The following RABL3 variants were observed in gnomAD, a reference collection of about 807,000 sequenced individuals.
RABL3 encodes the protein rab-like protein 3.
In RABL3, 31 loss-of-function variants were observed where a neutral mutation model predicts 31.8. The observed-to-expected ratio is 0.97, with a 90% CI of 0.73 to 1.31. The LOEUF (loss-of-function observed/expected upper bound fraction) is 1.31. Ranked by LOEUF, RABL3 falls within the 40% of genes most tolerant of loss-of-function variation. RABL3 has a pLI of 0.00. For synonymous variants in RABL3, 97 were observed against 99.9 expected, an observed-to-expected ratio of 0.97 and a Z score of 0.18; for missense variants, 263 against 279.6, an observed-to-expected ratio of 0.94 and a Z score of 0.42.
At chr3:120,735,335 G>T (rs1363130239) in intron 1 of RABL3, among the ~76,000 whole-genome samples, 1 of 152,170 alleles carries the variant, frequency 6.6e-6, no homozygotes, top group Non-Finnish European at 1.5e-5. Context: ...TTTGCGTAGA[G>T]GTGTTTTTAG....
At chr3:120,701,886 G>T (rs914812350) in intron 4 of RABL3, among the ~76,000 whole-genome samples, 1 of 152,190 alleles carries the variant, frequency 6.6e-6, no homozygotes, top group East Asian at 1.9e-4. Context: ...ACCTGGACAG[G>T]ATACATGAAG....
At chr3:120,703,340 A>G (rs1708514286) in intron 4 of RABL3, among the ~76,000 whole-genome samples, 1 of 152,190 alleles carries the variant, frequency 6.6e-6, no homozygotes, top group Admixed American at 6.5e-5. Context: ...ACATTTCTAA[A>G]CAGCCTATGG....
intron 2 of RABL3, among the ~76,000 whole-genome samples, chr3:120,726,929 A>G (rs547216834): frequency 1.3e-5 from 2 of 152,082 alleles, no homozygotes; most frequent in South Asian, 4.1e-4. Flanking sequence ...ATTGAGAAGC[A>G]TATTCTACAC....
At chr3:120,742,372 A>C in intron 1 of RABL3, 90 bp downstream of exon 1, 1 of 1,230,462 alleles carries the variant, frequency 8.1e-7, no homozygotes. Context: ...CGGGCCGAGG[A>C]GCCAGGAAGT....
intron 3 of RABL3, among the ~76,000 whole-genome samples, chr3:120,707,426 C>CTAAA (rs1708561809): frequency 6.6e-6 from 1 of 152,108 alleles, no homozygotes; most frequent in Non-Finnish European, 1.5e-5. Context: ...TACTAATGTA[C>CTAAA]TAAATATTGT....
chr3:120,722,727 A>G (rs1289324400), intron 2 of RABL3: 4 of 152,098 alleles, frequency 2.6e-5, no homozygotes, highest in Non-Finnish European at 4.4e-5. Flanking sequence ...AGGCAGAAAT[A>G]AAAGATGTTC....
At chr3:120,695,446 T>A (rs1015376104) in intron 5 of RABL3, among the ~76,000 whole-genome samples, 2 of 152,114 alleles carry the variant, frequency 1.3e-5, no homozygotes, top group Non-Finnish European at 2.9e-5. Flanking sequence ...GCTTACTGAT[T>A]TGTGGAATGG....
At chr3:120,709,992 G>A in intron 2 of RABL3, 83 bp from the exon 3 acceptor site, 1 of 995,330 alleles carries the variant, frequency 1.0e-6, no homozygotes. Flanking sequence ...AAGCATTTCA[G>A]CATCTTACTC....
At chr3:120,720,607 A>T (rs367630771) in intron 2 of RABL3, among the ~76,000 whole-genome samples, 2 of 152,366 alleles carry the variant, frequency 1.3e-5, no homozygotes, top group South Asian at 4.1e-4. Flanking sequence ...CAAATGAATG[A>T]AATGAAGCGA....
intron 3 of RABL3, among the ~76,000 whole-genome samples, chr3:120,709,315 A>C (rs1708585664): frequency 6.6e-6 from 1 of 151,916 alleles, no homozygotes; most frequent in Admixed American, 6.6e-5. Context: ...TGCACCCATA[A>C]AGACCCCCTT....
At chr3:120,707,851 G>A (rs1482235953) in intron 3 of RABL3, among the ~76,000 whole-genome samples, 2 of 151,996 alleles carry the variant, frequency 1.3e-5, no homozygotes, top group African/African-American at 4.8e-5. Flanking sequence ...CTTTCATTTG[G>A]GCTGAGAGTT....
chr3:120,692,449 C>T (rs1025828310), intron 6 of RABL3, among the ~76,000 whole-genome samples: 7 of 152,186 alleles, frequency 4.6e-5, no homozygotes, highest in East Asian at 3.9e-4. Context: ...CTGCCCGCCT[C>T]GGCCTCCCAA....
chr3:120,736,518 T>A (rs545467813), intron 1 of RABL3, among the ~76,000 whole-genome samples: 1 of 152,340 alleles, frequency 6.6e-6, no homozygotes, highest in East Asian at 1.9e-4. Context: ...AATTGGAGCA[T>A]TTAGCCCACT....
rs770378373 is a variant in RABL3 at position 120,717,625 on chromosome 3, C to T, written c.139-7716G>A. ...CTAGGATTACAGGTGTGTGCCACCA[C>T]GCCCAGCTAATTTTTGTATTTTTAG... On this transcript the variant is annotated intron_variant, in intron 2 of 7. Transcript: ENST00000273375. Among the ~76,000 whole-genome samples, 9 of 152,034 alleles carry T rather than the reference C, an allele frequency of 5.9e-5. No homozygotes were observed. In the East Asian group the frequency reaches 9.7e-4, roughly 16 times the overall value.
At chr3:120,735,565 G>C (rs958274507) in intron 1 of RABL3, among the ~76,000 whole-genome samples, 1 of 152,072 alleles carries the variant, frequency 6.6e-6, no homozygotes, top group Non-Finnish European at 1.5e-5. Context: ...TCTGATCTTA[G>C]TTATTTCTTG....
chr3:120,736,185 C>G (rs1007381174), intron 1 of RABL3, among the ~76,000 whole-genome samples: 1 of 152,164 alleles, frequency 6.6e-6, no homozygotes, highest in Admixed American at 6.5e-5. Context: ...GTCTAAGTGT[C>G]TTTGTAGGTC....
intron 6 of RABL3, among the ~76,000 whole-genome samples, chr3:120,693,086 T>G (rs1288968620): frequency 1.3e-5 from 2 of 152,144 alleles, no homozygotes; most frequent in Non-Finnish European, 2.9e-5. Context: ...TGGAAGCGGT[T>G]GCCAATCACC....
intron 2 of RABL3, among the ~76,000 whole-genome samples, chr3:120,726,007 G>T (rs6772101): frequency 1.3e-5 from 2 of 151,684 alleles, no homozygotes; most frequent in Admixed American, 6.6e-5. Flanking sequence ...TTATGGAGGC[G>T]GGGGTCTCAC....
intron 2 of RABL3, among the ~76,000 whole-genome samples, chr3:120,713,204 C>T (rs1002890501): frequency 2.0e-5 from 3 of 152,190 alleles, no homozygotes; most frequent in African/African-American, 7.2e-5. Flanking sequence ...ACTCCCAAGC[C>T]AGACTGACTC....
Sources: allele counts gnomAD v4.1 joint callset (sites outside exome capture counted in the v4.1 genomes callset), GRCh38; gene constraint gnomAD v4.1.1; transcripts MANE v1.5; gene names NCBI Gene and HGNC (gene_info 2026-07-23, HGNC 2026-07-21).